Variants in ACOT7 observed in about 807,000 individuals in gnomAD.
The protein encoded by ACOT7 is cytosolic acyl coenzyme A thioester hydrolase.
A neutral mutation model predicts 40.2 loss-of-function variants in ACOT7; 12 were observed. The ratio of observed to expected loss-of-function variants is 0.30; its 90% CI spans 0.19 to 0.48. The LOEUF (loss-of-function observed/expected upper bound fraction) is 0.48, where lower values mean the gene tolerates loss of function less well. Ranked by LOEUF, ACOT7 falls within the 20% of genes least tolerant of loss-of-function variation. The pLI, the probability that ACOT7 is intolerant of heterozygous loss-of-function variation, is 0.99. For synonymous variants in ACOT7, 228 were observed against 219.5 expected, an observed-to-expected ratio of 1.04 and a Z score of -0.34; for missense variants, 395 against 530.8, an observed-to-expected ratio of 0.74 and a Z score of 2.51.
intron 1 of ACOT7, among the ~76,000 whole-genome samples, chr1:6,351,817 G>C (rs1424083809): frequency 6.6e-6 from 1 of 152,256 alleles, no homozygotes; most frequent in African/African-American, 2.4e-5. Flanking sequence ...CGCGGGCCAA[G>C]GGCTGCAGAG....
At chr1:6,323,730 AAAAAAAAATATAT>A (rs1221827566) in intron 5 of ACOT7, among the ~76,000 whole-genome samples, 15 of 96,628 alleles carry the variant, frequency 1.6e-4, no homozygotes, top group Non-Finnish European at 2.0e-4. Context: ...AAAAAAAAAA[AAAAAAAAATATAT>A]ATATATATAT....
intron 1 of ACOT7, among the ~76,000 whole-genome samples, chr1:6,369,698 C>T (rs985524978): frequency 2.0e-5 from 3 of 152,284 alleles, no homozygotes; most frequent in East Asian, 1.9e-4. Context: ...CCTGCCTCAG[C>T]CTCCCAAGTA....
chr1:6,289,682 T>C lies in ACOT7; in HGVS notation c.829+5182A>G, dbSNP rs993522383. 6.6e-6 allele frequency among the ~76,000 whole-genome samples: 1 copy of C among 151,660 alleles called. No homozygotes were observed. Among genetic ancestry groups the C allele is most frequent in the Admixed American group, 6.6e-5 (1 of 15,256 alleles). On this transcript the variant is annotated intron_variant, in intron 7 of 8. Coordinates refer to ENST00000361521, the MANE Select transcript of ACOT7 (RefSeq NM_007274.4). The surrounding 1 kb of genome is among the most constrained non-coding windows in gnomAD (Gnocchi z 4.6). The stretch of plus-strand genomic sequence containing the variant: ...AGCCACTGTGACCAGCCTGCTTTTT[T>C]TGTGTGTGTTTTGTTTTGTTTTGTT...
At chr1:6,307,844 CTGGGCAGAGGGAACCACAAA>C (rs1557643151) in intron 6 of ACOT7, among the ~76,000 whole-genome samples, 5 of 149,452 alleles carry the variant, frequency 3.3e-5, no homozygotes, top group African/African-American at 1.2e-4. Flanking sequence ...GGAACTACAA[CTGGGCAGAGGGAACCACAAA>C]CAGGCAGAGG....
intron 1 of ACOT7, among the ~76,000 whole-genome samples, chr1:6,361,822 A>C (rs1183104378): frequency 6.6e-6 from 1 of 152,014 alleles, no homozygotes; most frequent in Non-Finnish European, 1.5e-5. Flanking sequence ...AAATAAATAA[A>C]CTACTAACAA....
intron 5 of ACOT7, among the ~76,000 whole-genome samples, chr1:6,323,954 G>C (rs1640730333): frequency 6.6e-6 from 1 of 151,730 alleles, no homozygotes; most frequent in Non-Finnish European, 1.5e-5. Flanking sequence ...AGGCCAAGAT[G>C]GCCTCTCCAG....
chr1:6,324,749 T>C lies in ACOT7; in HGVS notation c.625+2550A>G, dbSNP rs72633423. On this transcript the variant is annotated intron_variant, in intron 5 of 8. Coordinates refer to ENST00000361521, the MANE Select transcript of ACOT7 (RefSeq NM_007274.4). ...TTAGGCTAGACATAGCCTCTTCTTG[T>C]CTCTTGCAAGGGCACTGATCACTGG... is the stretch of plus-strand genomic sequence containing the variant. 7.1e-3 allele frequency among the ~76,000 whole-genome samples: 1,086 copies of C among 152,308 alleles called. 6 individuals are homozygous for C. The highest frequency in any genetic ancestry group is 0.011 in the South Asian group (51 of 4,828).
At chr1:6,388,614 C>G (rs1432994541) in intron 1 of ACOT7, among the ~76,000 whole-genome samples, 2 of 149,700 alleles carry the variant, frequency 1.3e-5, no homozygotes, top group African/African-American at 4.9e-5. Context: ...TGGTGGGTGC[C>G]TGTAGTCCCA....
chr1:6,389,902 C>T (rs1298392719), intron 1 of ACOT7, among the ~76,000 whole-genome samples: 1 of 152,186 alleles, frequency 6.6e-6, no homozygotes, highest in Admixed American at 6.5e-5. Flanking sequence ...GACTGTGACC[C>T]CTTAAGGCAG....
intron 1 of ACOT7, among the ~76,000 whole-genome samples, chr1:6,357,393 T>C (rs910612733): frequency 2.6e-5 from 4 of 152,086 alleles, no homozygotes; most frequent in Non-Finnish European, 4.4e-5. Context: ...TATAGGCAGG[T>C]CAGGCCCACA....
rs1639618458 is a variant in ACOT7, at chr1:6,289,987, A to G, written c.829+4877T>C. Among the ~76,000 whole-genome samples, 1 of 152,186 alleles carries G rather than the reference A, an allele frequency of 6.6e-6. No individual in the cohort carries two copies. The highest frequency in any genetic ancestry group is 2.4e-5 in the African/African-American group (1 of 41,446). ...AAGGGGACTCTGCAGACATTGACTA[A>G]GTGACAGCCCTGGAGATGGGAAGAT... is the stretch of plus-strand genomic sequence containing the variant. On this transcript the variant is annotated intron_variant, in intron 7 of 8. Coordinates refer to ENST00000361521, the MANE Select transcript of ACOT7 (RefSeq NM_007274.4). This position sits in a 1 kb window ranked among gnomAD's most constrained non-coding sequence, Gnocchi z 4.6.
At chr1:6,280,593 C>G (rs1324017260) in intron 8 of ACOT7, among the ~76,000 whole-genome samples, 1 of 152,194 alleles carries the variant, frequency 6.6e-6, no homozygotes, top group African/African-American at 2.4e-5. Flanking sequence ...CCAGAGCCCA[C>G]CAGCCTGGCT....
intron 6 of ACOT7, among the ~76,000 whole-genome samples, chr1:6,314,474 C>CA (rs1640426446): frequency 6.6e-6 from 1 of 151,976 alleles, no homozygotes. Context: ...GCTCAAGACT[C>CA]CTCTAAGGTC....
chr1:6,284,017 A>C (rs1440257789), intron 7 of ACOT7, among the ~76,000 whole-genome samples: 1 of 152,084 alleles, frequency 6.6e-6, no homozygotes, highest in African/African-American at 2.4e-5. Flanking sequence ...AAAAACTGGA[A>C]ATCTGATGTG....
chr1:6,304,400 T>C (rs1289679775), intron 6 of ACOT7, among the ~76,000 whole-genome samples: 1 of 149,462 alleles, frequency 6.7e-6, no homozygotes, highest in Non-Finnish European at 1.5e-5. Flanking sequence ...GTTCTTTTTT[T>C]TTTTTTTTTT....
rs142952409 is a variant in ACOT7 at position 6,306,935 on chromosome 1, A to ACAAG, written c.712+11553_712+11556dup. 2,488 of 1,288,376 alleles carry ACAAG rather than the reference A, an allele frequency of 1.9e-3. 48 individuals are homozygous for ACAAG. In the African/African-American group the frequency reaches 0.034, roughly 17 times the overall value. 79.8% of individuals were successfully genotyped at this position (1,288,376 alleles called of 1,614,324 possible). A position where few individuals can be genotyped will look rare whatever the true frequency, so the allele number is the denominator to read the frequency against. On this transcript the variant is annotated intron_variant, in intron 6 of 8. Transcript: ENST00000361521. This position sits in a 1 kb window ranked among gnomAD's most constrained non-coding sequence, Gnocchi z 4.3. ...CAACTGCCCCAAGAAGACCAAGTGAACAAGAGCGTCTTGGTGGAGGCCTCA... is the reference window on the plus strand; with the variant it reads ...CAACTGCCCCAAGAAGACCAAGTGAACAAGCAAGAGCGTCTTGGTGGAGGCCTCA...
rs147454006 is a variant in ACOT7 at position 6,358,950 on chromosome 1, C to T, written c.144-9084G>A. On this transcript the variant is annotated intron_variant, in intron 1 of 8. Coordinates refer to ENST00000361521, the MANE Select transcript of ACOT7 (RefSeq NM_007274.4). The surrounding 1 kb of genome is among the most constrained non-coding windows in gnomAD (Gnocchi z 4.1). ...GGACTGTCCCAGCTCCCTGCCACAC[C>T]GGGCTTGGTGGGGAGCACCCCCCAC... 2.3e-4 allele frequency: 341 copies of T among 1,514,002 alleles called. 1 individual carries two copies. The African/African-American group carries it at 3.9e-3, about 17-fold the overall frequency. The allele number at this position is 1,514,002 out of a possible 1,614,324, so 93.8% of individuals were successfully genotyped here.
chr1:6,368,698 G>T (rs1399559672), intron 1 of ACOT7, among the ~76,000 whole-genome samples: 1 of 152,180 alleles, frequency 6.6e-6, no homozygotes, highest in Non-Finnish European at 1.5e-5. Context: ...ACTGAGCCAG[G>T]GTCTGGAGCG....
chr1:6,323,755 T>C (rs1264720464), intron 5 of ACOT7, among the ~76,000 whole-genome samples: 1 of 135,092 alleles, frequency 7.4e-6, no homozygotes, highest in African/African-American at 2.8e-5. Flanking sequence ...TATATATATA[T>C]ATATATATAT....
Sources: gnomAD v4.1 joint callset for allele counts (sites outside exome capture counted in the v4.1 genomes callset) on GRCh38, gnomAD v4.1.1 for gene constraint, Gnocchi (gnomAD v3.1) non-coding constraint, MANE v1.5 for transcripts, NCBI Gene and HGNC (gene_info 2026-07-23, HGNC 2026-07-21) for gene names.